CREBBP: variants seen among roughly 807,000 people sequenced by gnomAD.
The protein encoded by CREBBP is CREB binding lysine acetyltransferase.
CREBBP carries 19 observed loss-of-function variants against 265.0 expected under a neutral mutation model. The ratio of observed to expected loss-of-function variants is 0.07; its 90% CI spans 0.05 to 0.11. CREBBP has a LOEUF of 0.11. Among genes scored for constraint, CREBBP ranks in the 10% least tolerant of loss-of-function variants. CREBBP has a pLI of 1.00. For missense variants in CREBBP, 2,525 were observed against 3,219.0 expected (o/e 0.78, Z 5.22); for synonymous variants, 1,457 against 1,223.7 (o/e 1.19, Z -3.98).
intron 30 of CREBBP, among the ~76,000 whole-genome samples, chr16:3,730,866 G>A (rs130007): frequency 0.11 from 16,021 of 152,194 alleles, 2,472 homozygotes; most frequent in African/African-American, 0.34. Flanking sequence ...GGAACAAGTG[G>A]CCAGAGGGGC....
At chr16:3,736,363 CA>C (rs1263349654) in intron 27 of CREBBP, 160 bp from the exon 28 acceptor site, 1 of 789,038 alleles carries the variant, frequency 1.3e-6, no homozygotes, top group Non-Finnish European at 2.1e-6. Context: ...CACACATGTG[CA>C]CCCCCCACCA....
At chr16:3,772,452 G>C (rs1219550857) in intron 13 of CREBBP, among the ~76,000 whole-genome samples, 1 of 151,888 alleles carries the variant, frequency 6.6e-6, no homozygotes, top group Non-Finnish European at 1.5e-5. Flanking sequence ...TTTTAAAAAT[G>C]ATTCTGAATC....
chr16:3,873,332 T>C (rs925520569), intron 1 of CREBBP, among the ~76,000 whole-genome samples: 1 of 152,262 alleles, frequency 6.6e-6, no homozygotes, highest in African/African-American at 2.4e-5. Flanking sequence ...GGCCATCACG[T>C]TCCTATTTTT....
intron 3 of CREBBP, among the ~76,000 whole-genome samples, chr16:3,797,701 C>T (rs1010669954): frequency 6.6e-6 from 1 of 151,452 alleles, no homozygotes; most frequent in Non-Finnish European, 1.5e-5. Context: ...TAAGAGAGGA[C>T]GATTGTCTCC....
In CREBBP at chr16:3,773,925, G is replaced by T. The variant is rs746249875; in HGVS notation, c.2289C>A (p.Ala763=). 31 of 1,612,084 alleles carry T rather than the reference G, an allele frequency of 1.9e-5. No homozygotes were observed. Among genetic ancestry groups the T allele is most frequent in the Non-Finnish European group, 2.6e-5 (31 of 1,180,022 alleles). ...GCTGAGGCATTCGGGAAGGAGAAAT[G>T]GCCATCTACGAGACAACAAGCACCA... The part of the protein sequence containing the change: ...MNSMGSVPGM[A]ISPSRMPQPP... Residue 763 remains alanine, a synonymous_variant, in exon 13 of 31, where the codon GCC becomes GCA. Coordinates refer to ENST00000262367, the MANE Select transcript of CREBBP (RefSeq NM_004380.3).
chr16:3,755,900 T>C (rs892390069), intron 19 of CREBBP, among the ~76,000 whole-genome samples: 12 of 152,162 alleles, frequency 7.9e-5, no homozygotes, highest in African/African-American at 2.4e-4. Context: ...GTATTAGGAA[T>C]AAGCAGGCCA....
At chr16:3,825,117 A>T (rs1370691655) in intron 2 of CREBBP, among the ~76,000 whole-genome samples, 15 of 152,230 alleles carry the variant, frequency 9.9e-5, no homozygotes, top group Admixed American at 9.8e-4. Context: ...ACAGGCATGC[A>T]TCCTTACTAC....
At chr16:3,774,743 CAG>C in intron 11 of CREBBP, 50 bp from the exon 12 acceptor site, 2 of 1,612,674 alleles carry the variant, frequency 1.2e-6, no homozygotes, top group Non-Finnish European at 1.7e-6. Context: ...CACAGGAAAA[CAG>C]AATTACAACT....
At chr16:3,811,892 T>C (rs534270554) in intron 2 of CREBBP, among the ~76,000 whole-genome samples, 85 of 152,032 alleles carry the variant, frequency 5.6e-4, no homozygotes, top group Non-Finnish European at 6.0e-4. Flanking sequence ...GTTAAGCAAA[T>C]GTGTATGCTA....
In CREBBP at chr16:3,767,913, G is replaced by C. The variant is rs2052896965; in HGVS notation, c.3061-4C>G. The C allele has an allele frequency of 1.2e-6, 2 of 1,613,644 alleles. No individual in the cohort carries two copies. The highest frequency in any genetic ancestry group is 1.7e-4 in the Middle Eastern group (1 of 6,060). On this transcript the variant is annotated splice_region_variant and splice_polypyrimidine_tract_variant and intron_variant, in intron 15 of 30. Transcript: ENST00000262367. ...CTTGCAAATCCTCCTCCATCATCTT[G>C]AGAAAAACATTACAGATAACATATG...
intron 12 of CREBBP, 39 bp downstream of exon 12, chr16:3,774,530 G>C: frequency 1.2e-6 from 2 of 1,613,242 alleles, no homozygotes; most frequent in East Asian, 2.2e-5. Flanking sequence ...CCATGTGAGA[G>C]GGAGGGCTAT....
At chr16:3,736,470 G>A (rs901491341) in intron 27 of CREBBP, 180 bp downstream of exon 27, 3 of 945,332 alleles carry the variant, frequency 3.2e-6, no homozygotes, top group African/African-American at 1.6e-5. Context: ...GACGGCCAGG[G>A]GAAAGCCTCA....
intron 15 of CREBBP, among the ~76,000 whole-genome samples, chr16:3,768,931 A>T (rs2052930250): frequency 6.6e-6 from 1 of 152,214 alleles, no homozygotes; most frequent in Admixed American, 6.5e-5. Context: ...TGGATGATTC[A>T]AGTATTTCAA....
intron 3 of CREBBP, among the ~76,000 whole-genome samples, chr16:3,795,207 A>G (rs531171669): frequency 2.6e-5 from 4 of 152,304 alleles, no homozygotes; most frequent in African/African-American, 9.6e-5. Context: ...CCATGAATGC[A>G]GGGCTCAACT....
In CREBBP at chr16:3,850,400, T is replaced by C. The variant is rs2054805900; in HGVS notation, c.695A>G (p.Gln232Arg). ...AGCCAGCACGCTGCTCGAGGCGCCCTGCATGGCTGGAGTAGGGTACGGCAT... is the reference window on the plus strand; with the variant it reads ...AGCCAGCACGCTGCTCGAGGCGCCCCGCATGGCTGGAGTAGGGTACGGCAT... ...AGMPYPTPAM[Q>R]GASSSVLAET... Residue 232 changes from glutamine to arginine, a missense_variant, in exon 2 of 31, where the codon CAG becomes CGG. By Grantham distance (43) the Gln-to-Arg change is conservative (BLOSUM62 1). This residue lies in a region of CREBBP where 356 missense variants were observed against 340.4 expected (regional missense o/e 1.05). Transcript: ENST00000262367. 3 of 1,614,234 alleles carry C rather than the reference T, an allele frequency of 1.9e-6. No homozygotes were observed. Among genetic ancestry groups the C allele is most frequent in the South Asian group, 1.1e-5 (1 of 91,084 alleles).
At chr16:3,867,121 T>A (rs7191161) in intron 1 of CREBBP, among the ~76,000 whole-genome samples, 308 of 152,314 alleles carry the variant, frequency 2.0e-3, no homozygotes, top group African/African-American at 7.1e-3. Flanking sequence ...TATTTCTATT[T>A]CAACTATTAA....
rs1228821966 is a variant in CREBBP at position 3,729,470 on chromosome 16, C to T, written c.5577G>A (p.Leu1859=). Residue 1859 remains leucine (L), a synonymous_variant, in exon 31 of 31, where the codon CTG becomes CTA. Transcript: ENST00000262367. ...KLRQQQIQHR[L]QQAQLMRRRM... The stretch of plus-strand genomic sequence containing the variant: ...GCCGGCGCATGAGCTGGGCCTGCTG[C>T]AGGCGGTGCTGGATCTGCTGCTGGC... 3.1e-6 allele frequency: 5 copies of T among 1,614,032 alleles called. No individual in the cohort carries two copies. Among genetic ancestry groups the T allele is most frequent in the Middle Eastern group, 1.6e-4 (1 of 6,084 alleles).
chr16:3,796,199 G>A (rs573091508), intron 3 of CREBBP, among the ~76,000 whole-genome samples: 24 of 152,246 alleles, frequency 1.6e-4, no homozygotes, highest in African/African-American at 5.3e-4. Context: ...TAACCAGACT[G>A]TTCTTAATTC....
intron 2 of CREBBP, among the ~76,000 whole-genome samples, chr16:3,826,971 A>G (rs1455356378): frequency 6.6e-6 from 1 of 152,058 alleles, no homozygotes; most frequent in Non-Finnish European, 1.5e-5. Context: ...CTATCTTTTA[A>G]TTTTTCTGTA....
Sources: allele counts gnomAD v4.1 joint callset (sites outside exome capture counted in the v4.1 genomes callset), GRCh38; gene constraint gnomAD v4.1.1; regional missense constraint gnomAD v4.1.1; transcripts MANE v1.5; gene names NCBI Gene and HGNC (gene_info 2026-07-23, HGNC 2026-07-21).